AOAH: variants seen among roughly 807,000 people sequenced by gnomAD.
AOAH encodes the protein acyloxyacyl hydrolase, also known as acyloxyacyl hydrolase (neutrophil).
Under a neutral mutation model 92.2 loss-of-function variants are expected in AOAH, and 64 were observed. That is an observed-to-expected ratio of 0.69 (90% confidence interval 0.57 to 0.86). AOAH has a LOEUF of 0.86. Among genes scored for constraint, AOAH ranks in the 40% least tolerant of loss-of-function variants. The pLI is 0.00. For missense variants in AOAH, 656 were observed against 694.6 expected, an observed-to-expected ratio of 0.94 and a Z score of 0.62; for synonymous variants, 263 against 254.5, an observed-to-expected ratio of 1.03 and a Z score of -0.32.
At chr7:36,714,378 A>G (rs931315028) in intron 1 of AOAH, among the ~76,000 whole-genome samples, 5 of 152,238 alleles carry the variant, frequency 3.3e-5, no homozygotes, top group Non-Finnish European at 5.9e-5. Context: ...ATGGATTCAC[A>G]GCCGAATTCT....
rs117158828 is a variant in AOAH at position 36,563,576 on chromosome 7, G to A, written c.1021+12998C>T. Among the ~76,000 whole-genome samples, 57 of 152,228 alleles carry A rather than the reference G, an allele frequency of 3.7e-4. 1 individual carries two copies. The East Asian group carries it at 0.01, about 27-fold the overall frequency. On this transcript the variant is annotated intron_variant, in intron 13 of 20. Transcript: ENST00000617537. ...CTATTTTCAGTGGGAGAGACAGGGT[G>A]GGGTATGTTTACTCCATTGTACTTG...
intron 3 of AOAH, among the ~76,000 whole-genome samples, chr7:36,662,823 G>C (rs1795299211): frequency 6.6e-6 from 1 of 152,218 alleles, no homozygotes; most frequent in Non-Finnish European, 1.5e-5. Context: ...GAGAGTAGAA[G>C]AGGGGAACTG....
At chr7:36,537,498 C>T in intron 16 of AOAH, among the ~76,000 whole-genome samples, 1 of 110,728 alleles carries the variant, frequency 9.0e-6, no homozygotes, top group East Asian at 2.9e-4. Context: ...GCTAGTTGCA[C>T]CCCTCTTGTT....
intron 11 of AOAH, among the ~76,000 whole-genome samples, chr7:36,606,648 G>T (rs868594658): frequency 2.6e-5 from 4 of 152,308 alleles, no homozygotes; most frequent in Middle Eastern, 6.8e-3. Flanking sequence ...TTGAACAGAT[G>T]GGGGAAGAAG....
At chr7:36,681,281 T>A (rs370201409) in intron 2 of AOAH, among the ~76,000 whole-genome samples, 2 of 152,186 alleles carry the variant, frequency 1.3e-5, no homozygotes, top group East Asian at 3.8e-4. Context: ...AAATTGTGAA[T>A]GTTCAATAGA....
At chr7:36,555,258 T>A (rs1233133405) in intron 13 of AOAH, among the ~76,000 whole-genome samples, 7 of 152,120 alleles carry the variant, frequency 4.6e-5, no homozygotes, top group African/African-American at 1.7e-4. Context: ...GGTTTTTGTC[T>A]TTGGTTCTGT....
At chr7:36,699,134 CT>C (rs1001869398) in intron 1 of AOAH, among the ~76,000 whole-genome samples, 7 of 151,910 alleles carry the variant, frequency 4.6e-5, no homozygotes, top group African/African-American at 1.7e-4. Context: ...AAATGACAGG[CT>C]TTCATTCTTT....
intron 2 of AOAH, among the ~76,000 whole-genome samples, chr7:36,684,091 C>G (rs988133246): frequency 6.6e-6 from 1 of 152,050 alleles, no homozygotes; most frequent in Non-Finnish European, 1.5e-5. Context: ...TAAAAGAAAC[C>G]AGGGCTTTTA....
chr7:36,619,845 G>T (rs976651708), intron 9 of AOAH, among the ~76,000 whole-genome samples: 2 of 152,148 alleles, frequency 1.3e-5, no homozygotes, highest in African/African-American at 4.8e-5. Flanking sequence ...ATTTAGGTAG[G>T]TGTGAAAATA....
At chr7:36,642,245 G>T (rs1793964635) in intron 4 of AOAH, among the ~76,000 whole-genome samples, 1 of 151,966 alleles carries the variant, frequency 6.6e-6, no homozygotes, top group African/African-American at 2.4e-5. Flanking sequence ...CTGAGATAAG[G>T]TCATATTGGA....
intron 2 of AOAH, among the ~76,000 whole-genome samples, chr7:36,682,366 G>A (rs1009171112): frequency 1.6e-4 from 24 of 152,058 alleles, no homozygotes; most frequent in Non-Finnish European, 3.2e-4. Flanking sequence ...AAACTACCCC[G>A]AACCGCCTCT....
chr7:36,590,307 T>C (rs1236426837), intron 12 of AOAH, among the ~76,000 whole-genome samples: 5 of 149,750 alleles, frequency 3.3e-5, no homozygotes, highest in African/African-American at 1.2e-4. Flanking sequence ...CCCACAGAGA[T>C]TTTTTTTTTC....
At chr7:36,549,134 T>G (rs1786009639) in intron 14 of AOAH, among the ~76,000 whole-genome samples, 1 of 152,192 alleles carries the variant, frequency 6.6e-6, no homozygotes, top group African/African-American at 2.4e-5. Context: ...CTTCTGAATT[T>G]CAAGCCCCAA....
intron 13 of AOAH, among the ~76,000 whole-genome samples, chr7:36,571,686 C>T (rs1041336682): frequency 3.9e-5 from 6 of 152,210 alleles, no homozygotes. Flanking sequence ...TCCCTTCTTT[C>T]TGCCTGATAC....
rs186037133 is a variant in AOAH, at chr7:36,567,064, G to A, written c.1021+9510C>T. Among the ~76,000 whole-genome samples, 69 of 152,120 alleles carry A rather than the reference G, an allele frequency of 4.5e-4. No individual in the cohort carries two copies. In the East Asian group the frequency reaches 5.6e-3, roughly 12 times the overall value. Reference sequence around the variant, plus strand: ...TGATCTCAAGTGATGCACCCACCTCGGCCTCTCAAAGTGCTGGAATTACAG... The same window carrying A: ...TGATCTCAAGTGATGCACCCACCTCAGCCTCTCAAAGTGCTGGAATTACAG... On this transcript the variant is annotated intron_variant, in intron 13 of 20. Coordinates refer to ENST00000617537, the MANE Select transcript of AOAH (RefSeq NM_001637.4).
chr7:36,604,312 T>C (rs1790825419), intron 11 of AOAH, among the ~76,000 whole-genome samples: 1 of 152,198 alleles, frequency 6.6e-6, no homozygotes, highest in African/African-American at 2.4e-5. Flanking sequence ...TAATATTTGC[T>C]TTCTATTATT....
chr7:36,665,185 TTTTCA>T (rs1354659462), intron 3 of AOAH, among the ~76,000 whole-genome samples: 5 of 139,124 alleles, frequency 3.6e-5, no homozygotes, highest in Non-Finnish European at 3.1e-5. Context: ...ATGGAACACC[TTTTCA>T]TTTATCTAGT....
intron 10 of AOAH, among the ~76,000 whole-genome samples, chr7:36,617,855 CA>C (rs1210301695): frequency 6.6e-6 from 1 of 152,234 alleles, no homozygotes; most frequent in African/African-American, 2.4e-5. Flanking sequence ...GTCATTCAGA[CA>C]TTCAGATATG....
chr7:36,688,713 T>C (rs1413841743), intron 1 of AOAH, among the ~76,000 whole-genome samples: 3 of 152,052 alleles, frequency 2.0e-5, no homozygotes, highest in Non-Finnish European at 4.4e-5. Flanking sequence ...AGGGCAGGAA[T>C]GGGGTCTTAC....
Sources: gnomAD v4.1 joint callset for allele counts (sites outside exome capture counted in the v4.1 genomes callset) on GRCh38, gnomAD v4.1.1 for gene constraint, MANE v1.5 for transcripts, NCBI Gene and HGNC (gene_info 2026-07-23, HGNC 2026-07-21) for gene names.